The following TRIM45 variants were observed in gnomAD, a reference collection of about 807,000 sequenced individuals.
The protein encoded by TRIM45 is E3 ubiquitin-protein ligase TRIM45.
A neutral mutation model predicts 46.7 loss-of-function variants in TRIM45; 45 were observed. The observed-to-expected ratio is 0.96, with a 90% confidence interval of 0.76 to 1.24. TRIM45 has a LOEUF of 1.24. TRIM45 is among the 50% of genes most tolerant of loss of function. The pLI, the probability that TRIM45 is intolerant of heterozygous loss-of-function variation, is 0.00. For synonymous variants in TRIM45, 259 were observed against 285.8 expected, an observed-to-expected ratio of 0.91 and a Z score of 0.94; for missense variants, 680 against 728.4, an observed-to-expected ratio of 0.93 and a Z score of 0.77.
upstream of TRIM45, among the ~76,000 whole-genome samples, chr1:117,123,588 A>G (rs1460335084): frequency 1.3e-5 from 2 of 151,732 alleles, no homozygotes; most frequent in African/African-American, 4.8e-5. Flanking sequence ...TTATGATGCC[A>G]TATCTAAGAT....
At position 117,120,703 on chromosome 1, in the gene TRIM45, C is replaced by T. The variant is rs375392955; in HGVS notation, c.488+11G>A. The T allele has an allele frequency of 1.1e-5, 18 of 1,591,366 alleles. No homozygotes were observed. In the African/African-American group the frequency reaches 2.3e-4, roughly 20 times the overall value. On this transcript the variant is annotated intron_variant, in intron 1 of 5. Transcript: ENST00000256649. ...TCTTAAGCTACACCTGATGGAGTGTCCCATCTTTACCTATGAGCCTGGCAG... is the reference window on the plus strand; with the variant it reads ...TCTTAAGCTACACCTGATGGAGTGTTCCATCTTTACCTATGAGCCTGGCAG...
rs561486400 is a variant in TRIM45 at position 117,120,824 on chromosome 1, T to C, written c.378A>G (p.Leu126=). The change falls in exon 1 of 6, where the codon CTA becomes CTG. Residue 126 remains leucine (L), a synonymous_variant. Transcript: ENST00000256649. ...ACACCAGGCCCTGGCCTTCCCCACG[T>C]AGGCTCTCCAGCATCACATCATTCA... ...LAVNDVMLES[L]RGEGQGLVCD... is the part of the protein sequence containing the mutation. 5.0e-6 allele frequency: 8 copies of C among 1,614,178 alleles called. No homozygotes were observed. In the Admixed American group the frequency reaches 5.0e-5, roughly 10 times the overall value.
Position 117,117,914 on chromosome 1 carries a change from CT to C in TRIM45, c.1222+119del. ...GTCACTGTCTTTCAGATCAGTTTATCTCCCCACCTTTGGTAACCTGGTCAGT... is the reference window on the plus strand; with the variant it reads ...GTCACTGTCTTTCAGATCAGTTTATCCCCCACCTTTGGTAACCTGGTCAGT... On this transcript the variant is annotated intron_variant, in intron 2 of 5. Coordinates refer to ENST00000256649, the MANE Select transcript of TRIM45 (RefSeq NM_025188.4). The surrounding 1 kb of genome is among the most constrained non-coding windows in gnomAD (Gnocchi z 4.9). 1 of 1,327,902 alleles carries C rather than the reference CT, an allele frequency of 7.5e-7. No individual in the cohort carries two copies. Among genetic ancestry groups the C allele is most frequent in the Non-Finnish European group, 1.0e-6 (1 of 964,174 alleles). 82.3% of individuals were successfully genotyped at this position (1,327,902 alleles called of 1,614,324 possible). A position where few individuals can be genotyped will look rare whatever the true frequency, so the allele number is the denominator to read the frequency against.
rs1455576215 is a variant in TRIM45 at position 117,117,515 on chromosome 1, AT to A, written c.1222+518del. 6.6e-6 allele frequency among the ~76,000 whole-genome samples: 1 copy of A among 152,226 alleles called. No individual in the cohort carries two copies. The highest frequency in any genetic ancestry group is 1.9e-4 in the East Asian group (1 of 5,176). On this transcript the variant is annotated intron_variant, in intron 2 of 5. Transcript: ENST00000256649. The surrounding 1 kb of genome is among the most constrained non-coding windows in gnomAD (Gnocchi z 4.9). ...AAGGGAACACTCGTTAAAAAAAACC[AT>A]TTTTTCCCCCAATTAAATGAAACAC...
In TRIM45 at chr1:117,120,898, C is replaced by T. The variant is rs758176887; in HGVS notation, c.304G>A (p.Asp102Asn). The T allele has an allele frequency of 6.2e-7, 1 of 1,614,078 alleles. No individual in the cohort carries two copies. The highest frequency in any genetic ancestry group is 8.5e-7 in the Non-Finnish European group (1 of 1,180,036). Residue 102 changes from aspartate (D) to asparagine (N), a missense_variant, in exon 1 of 6, where the codon GAC becomes AAC. This residue lies in a region of TRIM45 where 349 missense variants were observed against 343.6 expected (regional missense o/e 1.02). Coordinates refer to ENST00000256649, the MANE Select transcript of TRIM45 (RefSeq NM_025188.4). ...ILCPVCDAQVDLPMGGVKALT... is the reference protein window; with the variant it reads ...ILCPVCDAQVNLPMGGVKALT... ...GCCTTCACTCCACCCATGGGCAGGT[C>T]CACCTGAGCATCACATACAGGACAA... is the stretch of plus-strand genomic sequence containing the variant.
chr1:117,120,923 A>G lies in TRIM45; in HGVS notation c.279T>C (p.Leu93=). 6.2e-7 allele frequency: 1 copy of G among 1,614,182 alleles called. No individual in the cohort carries two copies. The highest frequency in any genetic ancestry group is 1.1e-5 in the South Asian group (1 of 91,078). The change falls in exon 1 of 6, where the codon CTT becomes CTC. Residue 93 remains leucine, a synonymous_variant. Transcript: ENST00000256649. ...CCACCTGAGCATCACATACAGGACAAAGGATGCCGATCTGCGACTGCAGAC... is the reference window on the plus strand; with the variant it reads ...CCACCTGAGCATCACATACAGGACAGAGGATGCCGATCTGCGACTGCAGAC... ...PRSLQSQIGI[L]CPVCDAQVDL... is the part of the protein sequence containing the mutation.
At position 117,113,348 on chromosome 1, in the gene TRIM45, T is replaced by C; in HGVS notation, c.1594+11A>G. ...GGCAGAAAGGCCCAGAGGGTAGTGC[T>C]TTCTCCTTACCTGGCATGGTGCCTC... On this transcript the variant is annotated intron_variant, in intron 5 of 5. Transcript: ENST00000256649. This position sits in a 1 kb window ranked among gnomAD's most constrained non-coding sequence, Gnocchi z 4.0. The C allele has an allele frequency of 6.2e-7, 1 of 1,611,832 alleles. No homozygotes were observed. Among genetic ancestry groups the C allele is most frequent in the East Asian group, 2.2e-5 (1 of 44,882 alleles).
intron 5 of TRIM45, among the ~76,000 whole-genome samples, chr1:117,112,661 TA>T (rs1215118080): frequency 6.6e-6 from 1 of 152,244 alleles, no homozygotes; most frequent in Admixed American, 6.5e-5. Context: ...CAACTCATGT[TA>T]GCCGGAGTTC....
In TRIM45 at chr1:117,111,180, C is replaced by T. The variant is rs1436433801; in HGVS notation, c.*1125G>A. On this transcript the variant is annotated 3_prime_UTR_variant, in exon 6 of 6. Transcript: ENST00000256649. ...GAGGCACCAGTGCTGTGTACATCCT[C>T]TCCCCAAATTCTCCAGCAGCTAAGA... 6.6e-6 allele frequency: 1 copy of T among 152,166 alleles called. No homozygotes were observed. The highest frequency in any genetic ancestry group is 2.4e-5 in the African/African-American group (1 of 41,394). 9.4% of individuals were successfully genotyped at this position (152,166 alleles called of 1,614,324 possible).
In TRIM45 at chr1:117,121,500, T is replaced by G; in HGVS notation, c.-299A>C. ...CTTCCAGGTCTAGCTCTCCAGCTAG[T>G]CCTGCTGCCAACAAAGTCACCCCTG... On this transcript the variant is annotated 5_prime_UTR_variant, in exon 1 of 6. Transcript: ENST00000256649. The surrounding 1 kb of genome is among the most constrained non-coding windows in gnomAD (Gnocchi z 4.2). 1 of 527,024 alleles carries G rather than the reference T, an allele frequency of 1.9e-6. No homozygotes were observed. Among genetic ancestry groups the G allele is most frequent in the Non-Finnish European group, 3.3e-6 (1 of 300,150 alleles). 32.6% of individuals were successfully genotyped at this position (527,024 alleles called of 1,614,324 possible).
chr1:117,123,720 C>T (rs1570921290), upstream of TRIM45, among the ~76,000 whole-genome samples: 3 of 152,066 alleles, frequency 2.0e-5, no homozygotes, highest in Admixed American at 2.0e-4. Flanking sequence ...ACCTCCACCT[C>T]CAGGGTTCAA....
In TRIM45 at chr1:117,113,249, T is replaced by C. The variant is rs1650285115; in HGVS notation, c.1594+110A>G. ...CTCTACAATCACAGACTGTGCTTCC[T>C]AGAAACAGAGCCTAAGTCCAAATGT... On this transcript the variant is annotated intron_variant, in intron 5 of 5. Coordinates refer to ENST00000256649, the MANE Select transcript of TRIM45 (RefSeq NM_025188.4). This position sits in a 1 kb window ranked among gnomAD's most constrained non-coding sequence, Gnocchi z 4.0. The C allele has an allele frequency of 6.8e-7, 1 of 1,462,538 alleles. No homozygotes were observed. Among genetic ancestry groups the C allele is most frequent in the South Asian group, 1.3e-5 (1 of 76,750 alleles). The allele number at this position is 1,462,538 out of a possible 1,614,324, so 90.6% of individuals were successfully genotyped here. A position where few individuals can be genotyped will look rare whatever the true frequency, so the allele number is the denominator to read the frequency against.
At chr1:117,122,491 C>CT (rs1216797288), upstream of TRIM45, 1 of 152,470 alleles carries the variant, frequency 6.6e-6, no homozygotes, top group East Asian at 1.9e-4. Flanking sequence ...CGCCACCCTC[C>CT]TTGTCGGGCT....
In TRIM45 at chr1:117,116,833, G is replaced by A; in HGVS notation, c.1223-88C>T. 1.3e-6 allele frequency: 2 copies of A among 1,569,020 alleles called. No individual in the cohort carries two copies. The highest frequency in any genetic ancestry group is 2.3e-5 in the East Asian group (1 of 43,806). ...TTGCTTTTTCTCTTCAGAACAAAGG[G>A]TTGTACTTTACTGTAACCACCCTGG... On this transcript the variant is annotated intron_variant, in intron 2 of 5. Coordinates refer to ENST00000256649, the MANE Select transcript of TRIM45 (RefSeq NM_025188.4). This position sits in a 1 kb window ranked among gnomAD's most constrained non-coding sequence, Gnocchi z 4.6.
At position 117,111,973 on chromosome 1, in the gene TRIM45, AG is replaced by A. The variant is rs1650232360; in HGVS notation, c.*331del. On this transcript the variant is annotated 3_prime_UTR_variant, in exon 6 of 6. Transcript: ENST00000256649. ...AAAAAAAAAAAAAAAAGAAAAAAAA[AG>A]GGTTATATCAGAAAGGAACTAAACT... 1 of 170,210 alleles carries A rather than the reference AG, an allele frequency of 5.9e-6. No individual in the cohort carries two copies. Among genetic ancestry groups the A allele is most frequent in the Admixed American group, 6.3e-5 (1 of 15,782 alleles). The allele number at this position is 170,210 out of a possible 1,614,324, so 10.5% of individuals were successfully genotyped here. A position where few individuals can be genotyped will look rare whatever the true frequency, so the allele number is the denominator to read the frequency against.
rs1423656169 is a variant in TRIM45 at position 117,115,697 on chromosome 1, G to A, written c.1353-8C>T. On this transcript the variant is annotated splice_polypyrimidine_tract_variant and splice_region_variant and intron_variant, in intron 3 of 5. Transcript: ENST00000256649. This position sits in a 1 kb window ranked among gnomAD's most constrained non-coding sequence, Gnocchi z 4.2. ...ACCATTGTTCTGACTGGGCTGAATG[G>A]AGATAAGAGTCAAAACACCACTCAC... 6.2e-7 allele frequency: 1 copy of A among 1,601,394 alleles called. No homozygotes were observed. The highest frequency in any genetic ancestry group is 1.3e-5 in the African/African-American group (1 of 74,646).
intron 4 of TRIM45, among the ~76,000 whole-genome samples, chr1:117,114,715 C>A (rs1399699505): frequency 6.6e-6 from 1 of 152,170 alleles, no homozygotes; most frequent in Non-Finnish European, 1.5e-5. Context: ...GATCCCTGTG[C>A]CTGAAGGGTT....
chr1:117,118,349 G>A lies in TRIM45; in HGVS notation c.907C>T (p.Arg303Trp), dbSNP rs376468762. ...DKLLKQLEDI[R>W]AQKENSLQLQ... Reference sequence around the variant, plus strand: ...TGCAGGGAATTTTCCTTCTGGGCCCGTATGTCTTCCAGCTGCTTCAGCAGC... The same window carrying A: ...TGCAGGGAATTTTCCTTCTGGGCCCATATGTCTTCCAGCTGCTTCAGCAGC... Residue 303 changes from arginine (R) to tryptophan (W), a missense_variant, in exon 2 of 6, where the codon CGG becomes TGG. By Grantham distance (101) the Arg-to-Trp change is moderately radical (BLOSUM62 -3). Around this residue, in one of 3 missense-constraint regions of TRIM45, gnomAD observed 322 missense variants for 359.3 expected, o/e 0.90. Coordinates refer to ENST00000256649, the MANE Select transcript of TRIM45 (RefSeq NM_025188.4). This position sits in a 1 kb window ranked among gnomAD's most constrained non-coding sequence, Gnocchi z 5.7. The A allele has an allele frequency of 5.8e-5, 93 of 1,614,044 alleles. No homozygotes were observed. The highest frequency in any genetic ancestry group is 1.8e-4 in the Admixed American group (11 of 60,002).
chr1:117,112,107 T>C lies in TRIM45; in HGVS notation c.*198A>G, dbSNP rs534590853. 6.0e-6 allele frequency: 3 copies of C among 503,106 alleles called. No individual in the cohort carries two copies. The highest frequency in any genetic ancestry group is 3.9e-5 in the Admixed American group (1 of 25,360). 31.2% of individuals were successfully genotyped at this position (503,106 alleles called of 1,614,324 possible). A position where few individuals can be genotyped will look rare whatever the true frequency, so the allele number is the denominator to read the frequency against. The stretch of plus-strand genomic sequence containing the variant: ...GTTGCCAACCTACCTTTAAGAGAAA[T>C]GTAGAGGTGGTTTTTTGTGCTCAAC... On this transcript the variant is annotated 3_prime_UTR_variant, in exon 6 of 6. Transcript: ENST00000256649.
Sources: allele counts gnomAD v4.1 joint callset (sites outside exome capture counted in the v4.1 genomes callset), GRCh38; gene constraint gnomAD v4.1.1; regional missense constraint gnomAD v4.1.1; non-coding constraint Gnocchi (gnomAD v3.1); transcripts MANE v1.5; gene names NCBI Gene and HGNC (gene_info 2026-07-23, HGNC 2026-07-21).